The following SRGAP2B variants were observed in gnomAD, a reference collection of about 807,000 sequenced individuals.
The protein encoded by SRGAP2B is SLIT-ROBO Rho GTPase-activating protein 2B.
SRGAP2B carries 9 observed loss-of-function variants against 22.2 expected under a neutral mutation model. That is an observed-to-expected ratio of 0.41 (90% CI 0.24 to 0.71). SRGAP2B has a LOEUF of 0.71. Ranked by LOEUF, SRGAP2B falls within the 30% of genes least tolerant of loss-of-function variation. The pLI is 0.35. For missense variants in SRGAP2B, 114 were observed against 235.8 expected, an observed-to-expected ratio of 0.48 and a Z score of 3.38; for synonymous variants, 36 against 87.4, an observed-to-expected ratio of 0.41 and a Z score of 3.28.
intron 4 of SRGAP2B, among the ~76,000 whole-genome samples, chr1:144,924,634 A>C (rs1164130382): frequency 6.6e-6 from 1 of 151,196 alleles, no homozygotes; most frequent in African/African-American, 2.5e-5. Context: ...CGGGAGGCTG[A>C]GGCAGGAGAA....
chr1:144,954,341 T>A (rs1297004335), intron 4 of SRGAP2B, among the ~76,000 whole-genome samples: 2 of 151,914 alleles, frequency 1.3e-5, no homozygotes, highest in African/African-American at 2.4e-5. Flanking sequence ...TCTGGAAAAA[T>A]TCCTGAGAAC....
rs187282525 is a variant in SRGAP2B, at chr1:144,965,188, C to T, written c.261-9587G>A. ...CAAGATGGCCGAATAGGAACAGCTC[C>T]GGTCTACAGCTCCAGCGTGAGCGAC... On this transcript the variant is annotated intron_variant, in intron 3 of 9. Transcript: ENST00000612199. 7.6e-5 allele frequency: 79 copies of T among 1,040,570 alleles called. 2 individuals carry two copies. The highest frequency in any genetic ancestry group is 4.5e-4 in the African/African-American group (27 of 60,478). 64.5% of individuals were successfully genotyped at this position (1,040,570 alleles called of 1,614,324 possible). A position where few individuals can be genotyped will look rare whatever the true frequency, so the allele number is the denominator to read the frequency against.
intron 3 of SRGAP2B, among the ~76,000 whole-genome samples, chr1:144,963,947 C>T (rs1202793715): frequency 2.7e-5 from 4 of 150,640 alleles, no homozygotes; most frequent in South Asian, 4.2e-4. Context: ...CCCAAACACC[C>T]GTCCCTGGGA....
intron 4 of SRGAP2B, chr1:144,918,248 T>G (rs782243028): frequency 2.1e-5 from 3 of 145,592 alleles, no homozygotes; most frequent in Non-Finnish European, 4.4e-5. Context: ...GTTTTTCTCT[T>G]AAATGTTTGC....
At chr1:145,084,133 G>A (rs1324351023) in intron 2 of SRGAP2B, among the ~76,000 whole-genome samples, 1 of 137,844 alleles carries the variant, frequency 7.3e-6, no homozygotes, top group Non-Finnish European at 1.6e-5. Flanking sequence ...GAGTGCAAGG[G>A]CACGATCTCG....
At chr1:145,026,324 G>A (rs868990165) in intron 2 of SRGAP2B, among the ~76,000 whole-genome samples, 320 of 27,184 alleles carry the variant, frequency 0.012, 4 homozygotes, top group Middle Eastern at 0.02. Context: ...AGCCGAGATC[G>A]TGCCACTGCA....
At chr1:144,987,156 G>C (rs1395732262) in intron 3 of SRGAP2B, among the ~76,000 whole-genome samples, 1 of 152,092 alleles carries the variant, frequency 6.6e-6, no homozygotes, top group Admixed American at 6.6e-5. Flanking sequence ...TGTATGGATG[G>C]GTGGCCATGG....
intron 2 of SRGAP2B, among the ~76,000 whole-genome samples, chr1:145,011,823 A>G (rs1380410280): frequency 2.0e-5 from 3 of 149,542 alleles, no homozygotes; most frequent in Non-Finnish European, 4.4e-5. Flanking sequence ...TACTCTCCAC[A>G]CTGCAGCCCT....
At chr1:145,044,671 A>C (rs1571080403) in intron 2 of SRGAP2B, among the ~76,000 whole-genome samples, 81 of 95,994 alleles carry the variant, frequency 8.4e-4, no homozygotes, top group African/African-American at 2.9e-3. Flanking sequence ...AAAAAAAAAA[A>C]AAAAAAAAAA....
intron 3 of SRGAP2B, among the ~76,000 whole-genome samples, chr1:144,994,592 G>C (rs1570956029): frequency 6.7e-6 from 1 of 149,292 alleles, no homozygotes; most frequent in Non-Finnish European, 1.5e-5. Context: ...GAGAGAGAGA[G>C]AGAGAGAGAG....
chr1:145,076,097 A>G (rs1322615963), intron 2 of SRGAP2B, among the ~76,000 whole-genome samples: 5 of 150,572 alleles, frequency 3.3e-5, no homozygotes, highest in African/African-American at 9.9e-5. Context: ...TGATCAGTCC[A>G]AAGGGAGAGA....
At chr1:144,971,931 A>G (rs1668555048) in intron 3 of SRGAP2B, among the ~76,000 whole-genome samples, 1 of 149,722 alleles carries the variant, frequency 6.7e-6, no homozygotes, top group South Asian at 2.1e-4. Context: ...ATTACATTTC[A>G]TTCAAAAGCC....
At chr1:144,998,387 C>A (rs1308363553) in intron 2 of SRGAP2B, among the ~76,000 whole-genome samples, 1 of 116,026 alleles carries the variant, frequency 8.6e-6, no homozygotes, top group African/African-American at 3.7e-5. Context: ...TGTGAGTACA[C>A]CCTGAGGTCT....
chr1:144,966,708 G>A (rs1310623323), intron 3 of SRGAP2B, among the ~76,000 whole-genome samples: 1 of 147,056 alleles, frequency 6.8e-6, no homozygotes, highest in Non-Finnish European at 1.5e-5. Context: ...AATGGATAAA[G>A]AGTCAAGACC....
intron 2 of SRGAP2B, among the ~76,000 whole-genome samples, chr1:145,056,970 C>T (rs1281703012): frequency 1.3e-5 from 2 of 148,548 alleles, no homozygotes; most frequent in Non-Finnish European, 3.0e-5. Flanking sequence ...CACACACACA[C>T]ACACACACAC....
At chr1:145,001,861 A>T (rs972092) in intron 2 of SRGAP2B, among the ~76,000 whole-genome samples, 4 of 149,576 alleles carry the variant, frequency 2.7e-5, no homozygotes, top group Admixed American at 6.6e-5. Context: ...GCTCTACAAA[A>T]TTTTTTTTTA....
intron 3 of SRGAP2B, among the ~76,000 whole-genome samples, chr1:144,975,020 G>T (rs1668790969): frequency 6.8e-6 from 1 of 147,288 alleles, no homozygotes. Flanking sequence ...TAGAGACAGG[G>T]CTGGTCCAGA....
At chr1:144,965,611 T>G (rs1668023907) in intron 3 of SRGAP2B, among the ~76,000 whole-genome samples, 1 of 132,718 alleles carries the variant, frequency 7.5e-6, no homozygotes, top group African/African-American at 3.4e-5. Flanking sequence ...ACGCAGTTCC[T>G]CACCAGCAAC....
chr1:144,970,674 A>C (rs1321036878), intron 3 of SRGAP2B, among the ~76,000 whole-genome samples: 1 of 149,158 alleles, frequency 6.7e-6, no homozygotes, highest in South Asian at 2.1e-4. Context: ...GATTCAGTGT[A>C]GTTGTAGTGC....
Sources: gnomAD v4.1 joint callset for allele counts (sites outside exome capture counted in the v4.1 genomes callset) on GRCh38, gnomAD v4.1.1 for gene constraint, MANE v1.5 for transcripts, NCBI Gene and HGNC (gene_info 2026-07-23, HGNC 2026-07-21) for gene names.